The following SAMD3 variants were observed in gnomAD, a reference collection of about 807,000 sequenced individuals.
SAMD3 encodes the protein sterile alpha motif domain containing 3.
A neutral mutation model predicts 58.5 loss-of-function variants in SAMD3; 63 were observed. The observed-to-expected ratio is 1.08, with a 90% CI of 0.88 to 1.33. The LOEUF is 1.33. Among genes scored for constraint, SAMD3 ranks in the 40% most tolerant of loss-of-function variants. The pLI, the probability that SAMD3 is intolerant of heterozygous loss-of-function variation, is 0.00. For missense variants in SAMD3, 604 were observed against 608.4 expected, an observed-to-expected ratio of 0.99 and a Z score of 0.08; for synonymous variants, 220 against 210.3, an observed-to-expected ratio of 1.05 and a Z score of -0.40.
At chr6:130,196,868 T>G (rs1308842004) in intron 5 of SAMD3, among the ~76,000 whole-genome samples, 2 of 152,190 alleles carry the variant, frequency 1.3e-5, no homozygotes, top group African/African-American at 4.8e-5. Flanking sequence ...CCGCAGTCAT[T>G]TCTTCCCTTC....
chr6:130,363,083 T>C (rs1233905543), intron 1 of SAMD3, among the ~76,000 whole-genome samples: 1 of 152,220 alleles, frequency 6.6e-6, no homozygotes, highest in African/African-American at 2.4e-5. Flanking sequence ...CACCCATGGC[T>C]GCTAGCAGAA....
downstream of SAMD3, chr6:130,143,064 A>G (rs1001810622): frequency 2.6e-5 from 4 of 152,216 alleles, no homozygotes; most frequent in Admixed American, 6.5e-5. Context: ...GAAATGGGCA[A>G]CTGTTCTTTG....
chr6:130,248,001 T>G (rs1313425282), intron 2 of SAMD3, among the ~76,000 whole-genome samples: 1 of 152,212 alleles, frequency 6.6e-6, no homozygotes, highest in Non-Finnish European at 1.5e-5. Flanking sequence ...TAGTGTGATG[T>G]GCACCCCATA....
intron 2 of SAMD3, among the ~76,000 whole-genome samples, chr6:130,273,383 T>C (rs993724516): frequency 9.2e-5 from 14 of 152,140 alleles, no homozygotes; most frequent in Admixed American, 7.2e-4. Flanking sequence ...CCTATGTGTA[T>C]CCTTAAATCT....
At chr6:130,324,985 C>G (rs1409425304) in intron 1 of SAMD3, among the ~76,000 whole-genome samples, 4 of 152,116 alleles carry the variant, frequency 2.6e-5, no homozygotes, top group Admixed American at 2.6e-4. Flanking sequence ...TTAAATTGAA[C>G]ATCTTTTTAC....
intron 2 of SAMD3, among the ~76,000 whole-genome samples, chr6:130,287,488 T>C (rs1775198800): frequency 6.6e-6 from 1 of 152,048 alleles, no homozygotes; most frequent in Non-Finnish European, 1.5e-5. Flanking sequence ...AGAAATAAGG[T>C]GTTAATTTGA....
intron 8 of SAMD3, among the ~76,000 whole-genome samples, chr6:130,157,965 G>A (rs79050386): frequency 1.3e-5 from 2 of 149,708 alleles, no homozygotes; most frequent in Admixed American, 6.6e-5. Context: ...AAATTAAATT[G>A]CAAAAAAAAC....
At chr6:130,344,825 C>CAAAAAAAAAAAAAAAAA (rs56795907) in intron 1 of SAMD3, among the ~76,000 whole-genome samples, 28 of 41,094 alleles carry the variant, frequency 6.8e-4, no homozygotes, top group Admixed American at 1.6e-3. Context: ...ACAACAACAG[C>CAAAAAAAAAAAAAAAAA]AAAAAAAAAA....
At chr6:130,261,446 T>C (rs571790552) in intron 2 of SAMD3, among the ~76,000 whole-genome samples, 46 of 152,290 alleles carry the variant, frequency 3.0e-4, no homozygotes, top group African/African-American at 1.1e-3. Context: ...ACCAGCACTT[T>C]GGTTTTTGTT....
chr6:130,184,076 A>T (rs1348884689), intron 7 of SAMD3, 27 bp downstream of exon 7: 1 of 1,579,552 alleles, frequency 6.3e-7, no homozygotes, highest in South Asian at 1.1e-5. Context: ...TCTGAAATTA[A>T]CAGGATGGTG....
intron 2 of SAMD3, among the ~76,000 whole-genome samples, chr6:130,249,242 C>T (rs1773658675): frequency 6.6e-6 from 1 of 152,136 alleles, no homozygotes; most frequent in Non-Finnish European, 1.5e-5. Context: ...CTTCATGAGT[C>T]TAATATGACT....
chr6:130,252,965 C>T (rs971664895), intron 2 of SAMD3, among the ~76,000 whole-genome samples: 11 of 152,160 alleles, frequency 7.2e-5, no homozygotes, highest in Admixed American at 2.6e-4. Context: ...TTACAGAAAA[C>T]GCCATTCTTG....
At position 130,215,300 on chromosome 6, in the gene SAMD3, G is replaced by A. The variant is rs766845401; in HGVS notation, c.-21-6C>T. ...GCTGTCTCCTGTAAATACACCTGTA[G>A]AGCAAAAGGTCAGAGAATTCTCCAG... is the stretch of plus-strand genomic sequence containing the variant. On this transcript the variant is annotated splice_region_variant and splice_polypyrimidine_tract_variant and intron_variant, in intron 2 of 11. Transcript: ENST00000439090. 3.3e-6 allele frequency: 5 copies of A among 1,534,746 alleles called. No individual in the cohort carries two copies. The highest frequency in any genetic ancestry group is 3.5e-6 in the Non-Finnish European group (4 of 1,128,410).
chr6:130,227,908 G>A (rs987387943), upstream of SAMD3, among the ~76,000 whole-genome samples: 1 of 151,900 alleles, frequency 6.6e-6, no homozygotes, highest in Admixed American at 6.6e-5. Context: ...AAATCCTCTC[G>A]TTTCCTAAAT....
intron 9 of SAMD3, among the ~76,000 whole-genome samples, chr6:130,148,950 G>GA (rs750232734): frequency 2.3e-4 from 35 of 152,124 alleles, no homozygotes; most frequent in Non-Finnish European, 3.7e-4. Context: ...CTTTCTCATA[G>GA]AAGAAATCTA....
intron 8 of SAMD3, among the ~76,000 whole-genome samples, chr6:130,172,246 G>A (rs1252580138): frequency 6.6e-6 from 1 of 152,180 alleles, no homozygotes; most frequent in Non-Finnish European, 1.5e-5. Flanking sequence ...ATTTGATCCT[G>A]TCATCATGAT....
chr6:130,157,072 A>AAAAT (rs140922244), intron 8 of SAMD3, among the ~76,000 whole-genome samples: 6,099 of 143,390 alleles, frequency 0.043, 180 homozygotes, highest in Admixed American at 0.07. Flanking sequence ...TCCGTCTCAA[A>AAAAT]AAATAAATAA....
chr6:130,282,899 C>T (rs1241573025), intron 2 of SAMD3, among the ~76,000 whole-genome samples: 1 of 152,058 alleles, frequency 6.6e-6, no homozygotes, highest in African/African-American at 2.4e-5. Flanking sequence ...GGAGGCATGC[C>T]CTCAACAGAT....
chr6:130,267,510 AAC>A, intron 2 of SAMD3, among the ~76,000 whole-genome samples: 1 of 152,286 alleles, frequency 6.6e-6, no homozygotes, highest in Admixed American at 6.5e-5. Context: ...GAAATGAGAG[AAC>A]AGAGACAGAC....
Sources: gnomAD v4.1 joint callset for allele counts (sites outside exome capture counted in the v4.1 genomes callset) on GRCh38, gnomAD v4.1.1 for gene constraint, MANE v1.5 for transcripts, NCBI Gene and HGNC (gene_info 2026-07-23, HGNC 2026-07-21) for gene names.